The following GNPTG variants were observed in gnomAD, a reference collection of about 807,000 sequenced individuals.
GNPTG encodes N-acetylglucosamine-1-phosphotransferase subunit gamma.
A neutral mutation model predicts 43.8 loss-of-function variants in GNPTG; 46 were observed. That is an observed-to-expected ratio of 1.05 (90% CI 0.83 to 1.34). The LOEUF is 1.34. Among genes scored for constraint, GNPTG ranks in the 40% most tolerant of loss-of-function variants. GNPTG has a pLI of 0.00. For synonymous variants in GNPTG, 250 were observed against 172.8 expected (o/e 1.45, Z -3.50); for missense variants, 549 against 411.3 (o/e 1.33, Z -2.90).
rs2141862449 is a variant in GNPTG at position 1,362,021 on chromosome 16, T to TG, written c.318-16dup. 6.2e-7 allele frequency: 1 copy of TG among 1,612,680 alleles called. No individual in the cohort carries two copies. The highest frequency in any genetic ancestry group is 1.3e-5 in the African/African-American group (1 of 75,048). ...GCTCCCCACCCGGCCTCACGTGCCG[T>TG]GCCCGTGTCTCCCCAGCATCTGGCA... is the stretch of plus-strand genomic sequence containing the variant. On this transcript the variant is annotated splice_polypyrimidine_tract_variant and intron_variant, in intron 5 of 10. Transcript: ENST00000204679.
intron 3 of GNPTG, among the ~76,000 whole-genome samples, chr16:1,354,586 A>AC (rs2034739967): frequency 2.5e-5 from 1 of 39,732 alleles, no homozygotes; most frequent in African/African-American, 1.2e-4. Flanking sequence ...ACTTCGTCTC[A>AC]AAAAAAAAAA....
chr16:1,363,573 G>C lies in GNPTG; in HGVS notation c.*482G>C. The C allele has an allele frequency of 4.4e-6, 1 of 226,402 alleles. No individual in the cohort carries two copies. Among genetic ancestry groups the C allele is most frequent in the East Asian group, 1.2e-4 (1 of 8,118 alleles). 14.0% of individuals were successfully genotyped at this position (226,402 alleles called of 1,614,324 possible). A position where few individuals can be genotyped will look rare whatever the true frequency, so the allele number is the denominator to read the frequency against. On this transcript the variant is annotated 3_prime_UTR_variant, in exon 11 of 11. Coordinates refer to ENST00000204679, the MANE Select transcript of GNPTG (RefSeq NM_032520.5). ...AACATGCAGAGCCGGCCGCCAGCCA[G>C]CTCCTACGCCCCGTGCCCGCCATGG...
At chr16:1,360,089 A>G in intron 3 of GNPTG, among the ~76,000 whole-genome samples, 1 of 151,700 alleles carries the variant, frequency 6.6e-6, no homozygotes, top group East Asian at 1.9e-4. Flanking sequence ...GCCTGGCGAC[A>G]ATGCTAGACT....
In GNPTG at chr16:1,363,243, A is replaced by AATAACTCCATGAATT. The variant is rs1407049783; in HGVS notation, c.*153_*167dup. ...TTTAATTAATTCCCATACTGATAAA[A>AATAACTCCATGAATT]ATAACTCCATGAATTCTGTAAACCA... On this transcript the variant is annotated 3_prime_UTR_variant, in exon 11 of 11. Transcript: ENST00000204679. 1 of 704,172 alleles carries AATAACTCCATGAATT rather than the reference A, an allele frequency of 1.4e-6. No homozygotes were observed. The highest frequency in any genetic ancestry group is 2.5e-6 in the Non-Finnish European group (1 of 398,992). The allele number at this position is 704,172 out of a possible 1,614,324, so 43.6% of individuals were successfully genotyped here. A position where few individuals can be genotyped will look rare whatever the true frequency, so the allele number is the denominator to read the frequency against.
At position 1,362,635 on chromosome 16, in the gene GNPTG, C is replaced by G. The variant is rs2034925481; in HGVS notation, c.634C>G (p.Leu212Val). Residue 212 changes from leucine to valine, a missense_variant, in exon 9 of 11, where the codon CTT (leucine) becomes GTT (valine). Coordinates refer to ENST00000204679, the MANE Select transcript of GNPTG (RefSeq NM_032520.5). Reference sequence around the variant, plus strand: ...GGGCCATGAGAAGTTGCTGAGGACACTTTTTGAGGATGCTGGCTACTTAAA... The same window carrying G: ...GGGCCATGAGAAGTTGCTGAGGACAGTTTTTGAGGATGCTGGCTACTTAAA... ...PQGHEKLLRT[L>V]FEDAGYLKTP... 2 of 1,614,040 alleles carry G rather than the reference C, an allele frequency of 1.2e-6. No individual in the cohort carries two copies. Among genetic ancestry groups the G allele is most frequent in the Non-Finnish European group, 1.7e-6 (2 of 1,180,034 alleles).
At position 1,363,565 on chromosome 16, in the gene GNPTG, G is replaced by A. The variant is rs970780381; in HGVS notation, c.*474G>A. Reference sequence around the variant, plus strand: ...GCAACAAGAACATGCAGAGCCGGCCGCCAGCCAGCTCCTACGCCCCGTGCC... The same window carrying A: ...GCAACAAGAACATGCAGAGCCGGCCACCAGCCAGCTCCTACGCCCCGTGCC... On this transcript the variant is annotated 3_prime_UTR_variant, in exon 11 of 11. Coordinates refer to ENST00000204679, the MANE Select transcript of GNPTG (RefSeq NM_032520.5). 6 of 223,318 alleles carry A rather than the reference G, an allele frequency of 2.7e-5. No individual in the cohort carries two copies. The highest frequency in any genetic ancestry group is 5.3e-5 in the Admixed American group (1 of 18,766). 13.8% of individuals were successfully genotyped at this position (223,318 alleles called of 1,614,324 possible). A position where few individuals can be genotyped will look rare whatever the true frequency, so the allele number is the denominator to read the frequency against.
chr16:1,362,172 C>CT (rs760265920), intron 6 of GNPTG, 34 bp from the exon 7 acceptor site: 2 of 1,613,202 alleles, frequency 1.2e-6, no homozygotes, highest in African/African-American at 2.7e-5. Flanking sequence ...GGGCCCCAGT[C>CT]TCCCCAACCC....
rs1201989695 is a variant in GNPTG at position 1,361,872 on chromosome 16, G to A, written c.234G>A (p.Thr78=). 1.2e-6 allele frequency: 2 copies of A among 1,613,900 alleles called. No individual in the cohort carries two copies. Among genetic ancestry groups the A allele is most frequent in the East Asian group, 2.2e-5 (1 of 44,872 alleles). ...CCCCTCATGCCATCTGTGTCCCCAG[G>A]TACAAGTATGAGTTCTGCCCGTTCC... is the stretch of plus-strand genomic sequence containing the variant. The part of the protein sequence containing the change: ...SGKCFSLVES[T]YKYEFCPFHN... Residue 78 remains threonine, a splice_region_variant and synonymous_variant, in exon 5 of 11, where the codon ACG becomes ACA. Coordinates refer to ENST00000204679, the MANE Select transcript of GNPTG (RefSeq NM_032520.5).
At chr16:1,356,607 A>G (rs1337614865) in intron 3 of GNPTG, among the ~76,000 whole-genome samples, 1 of 152,108 alleles carries the variant, frequency 6.6e-6, no homozygotes, top group Non-Finnish European at 1.5e-5. Context: ...GGGAGGCTGC[A>G]CCTCAGCCAG....
At chr16:1,359,879 G>A (rs898274011) in intron 3 of GNPTG, among the ~76,000 whole-genome samples, 20 of 151,910 alleles carry the variant, frequency 1.3e-4, no homozygotes, top group Non-Finnish European at 2.4e-4. Context: ...GGAGGCTGAG[G>A]CAGGTGGATC....
chr16:1,354,445 G>T (rs1567180445), intron 3 of GNPTG, among the ~76,000 whole-genome samples: 1 of 151,828 alleles, frequency 6.6e-6, no homozygotes, highest in Non-Finnish European at 1.5e-5. Flanking sequence ...AGTTAGCCGG[G>T]CATAGTGGTA....
intron 3 of GNPTG, among the ~76,000 whole-genome samples, chr16:1,359,699 A>C (rs1376012641): frequency 6.6e-6 from 1 of 151,830 alleles, no homozygotes; most frequent in African/African-American, 2.4e-5. Flanking sequence ...GTCCTCTGAG[A>C]CTCCCTATGA....
At chr16:1,353,976 G>A (rs759085359) in intron 3 of GNPTG, among the ~76,000 whole-genome samples, 3 of 152,190 alleles carry the variant, frequency 2.0e-5, no homozygotes, top group Non-Finnish European at 4.4e-5. Flanking sequence ...AGATAAAGGG[G>A]ATCAGATGGT....
chr16:1,363,027 AGAC>A lies in GNPTG; in HGVS notation c.856_858del (p.Thr286del), dbSNP rs772539062. Reference sequence around the variant, plus strand: ...TCCAACTTGGAGCACTTGGGCCACGAGACGCCCAGAGCCAAGTCTCCAGAGCAG... The same window carrying A: ...TCCAACTTGGAGCACTTGGGCCACGAGCCCAGAGCCAAGTCTCCAGAGCAG... On this transcript the variant is annotated inframe_deletion, in exon 11 of 11. Transcript: ENST00000204679. 1.2e-6 allele frequency: 2 copies of A among 1,614,068 alleles called. No individual in the cohort carries two copies. The highest frequency in any genetic ancestry group is 2.7e-5 in the African/African-American group (2 of 75,022).
intron 3 of GNPTG, among the ~76,000 whole-genome samples, chr16:1,354,217 G>A (rs925178378): frequency 2.6e-5 from 4 of 151,942 alleles, no homozygotes; most frequent in Admixed American, 6.6e-5. Flanking sequence ...GTTCCCGACC[G>A]AACCCCTTCC....
At chr16:1,356,277 TC>T in intron 3 of GNPTG, among the ~76,000 whole-genome samples, 1 of 152,210 alleles carries the variant, frequency 6.6e-6, no homozygotes, top group African/African-American at 2.4e-5. Context: ...CCGGCGAGTG[TC>T]CTGGCCATGC....
intron 2 of GNPTG, 31 bp from the exon 3 acceptor site, chr16:1,352,208 C>T (rs757317192): frequency 5.8e-6 from 9 of 1,551,648 alleles, no homozygotes; most frequent in African/African-American, 1.4e-5. Flanking sequence ...GGCCCGGGCC[C>T]GTTCCCCGCT....
intron 3 of GNPTG, among the ~76,000 whole-genome samples, chr16:1,354,971 G>T (rs2034749697): frequency 6.6e-6 from 1 of 152,202 alleles, no homozygotes; most frequent in African/African-American, 2.4e-5. Context: ...CCCCGCGTCT[G>T]TGGGGTGGGG....
Position 1,352,165 on chromosome 16 carries a change from C to T in GNPTG, c.110+6C>T. The T allele has an allele frequency of 1.3e-6, 2 of 1,574,074 alleles. No individual in the cohort carries two copies. Among genetic ancestry groups the T allele is most frequent in the Admixed American group, 1.9e-5 (1 of 53,830 alleles). ...GAGGAGCCCAACGCGTTTGGGTGAG[C>T]AGCCTCGCGGGCTGGCGGCTCGAGC... is the stretch of plus-strand genomic sequence containing the variant. On this transcript the variant is annotated splice_donor_region_variant and intron_variant, in intron 2 of 10. Transcript: ENST00000204679.
Sources: allele counts gnomAD v4.1 joint callset (sites outside exome capture counted in the v4.1 genomes callset), GRCh38; gene constraint gnomAD v4.1.1; transcripts MANE v1.5; gene names NCBI Gene and HGNC (gene_info 2026-07-23, HGNC 2026-07-21).